SCN10A: variants seen among roughly 807,000 people sequenced by gnomAD.
SCN10A encodes sodium voltage-gated channel alpha subunit 10, also known as sodium channel protein type 10 subunit alpha.
SCN10A carries 162 observed loss-of-function variants against 170.7 expected under a neutral mutation model. The observed-to-expected ratio is 0.95, with a 90% CI of 0.84 to 1.08. The LOEUF (loss-of-function observed/expected upper bound fraction) is 1.08. Ranked by LOEUF, SCN10A falls within the 50% of genes least tolerant of loss-of-function variation. The pLI, the probability that SCN10A is intolerant of heterozygous loss-of-function variation, is 0.00. For missense variants in SCN10A, 2,527 were observed against 2,436.9 expected, an observed-to-expected ratio of 1.04 and a Z score of -0.78; for synonymous variants, 985 against 904.6, an observed-to-expected ratio of 1.09 and a Z score of -1.59.
chr3:38,743,497 A>C (rs1210014103), intron 13 of SCN10A, among the ~76,000 whole-genome samples: 1 of 152,148 alleles, frequency 6.6e-6, no homozygotes, highest in Non-Finnish European at 1.5e-5. Context: ...AGTTTTCTAC[A>C]CTTAACCTTC....
chr3:38,723,742 G>A (rs1262742448), intron 18 of SCN10A, among the ~76,000 whole-genome samples, 189 bp from the exon 19 acceptor site: 1 of 152,232 alleles, frequency 6.6e-6, no homozygotes, highest in East Asian at 1.9e-4. Flanking sequence ...GCCCCTGATG[G>A]AGTGCTGGCA....
intron 1 of SCN10A, among the ~76,000 whole-genome samples, chr3:38,803,637 C>T (rs1324231704): frequency 1.8e-5 from 2 of 113,610 alleles, no homozygotes; most frequent in Admixed American, 2.6e-4. Flanking sequence ...ACATCACACA[C>T]TGGGCCTGTC....
chr3:38,788,005 T>C (rs913285398), intron 4 of SCN10A, among the ~76,000 whole-genome samples: 1 of 152,076 alleles, frequency 6.6e-6, no homozygotes, highest in African/African-American at 2.4e-5. Flanking sequence ...CTCATCCTTT[T>C]TTATGACTGC....
Position 38,697,695 on chromosome 3 carries a change from A to T in SCN10A, c.5525T>A (p.Ile1842Lys). The part of the protein sequence containing the change: ...TNLSKSSYEP[I>K]ATTLRWKQED... ...TTGCTTCCATCGGAGAGTGGTTGCT[A>T]TTGGTTCATAGGATGATTTTGAAAG... is the stretch of plus-strand genomic sequence containing the variant. Residue 1842 changes from isoleucine to lysine, a missense_variant, in exon 28 of 28, where the codon ATA (isoleucine) becomes AAA (lysine). Transcript: ENST00000449082. The T allele has an allele frequency of 6.2e-6, 10 of 1,614,060 alleles. No homozygotes were observed. The highest frequency in any genetic ancestry group is 8.5e-6 in the Non-Finnish European group (10 of 1,180,018).
At position 38,725,288 on chromosome 3, in the gene SCN10A, C is replaced by A. The variant is rs773394234; in HGVS notation, c.3114G>T (p.Arg1038Ser). 3.2e-6 allele frequency: 5 copies of A among 1,582,934 alleles called. No homozygotes were observed. Among genetic ancestry groups the A allele is most frequent in the Non-Finnish European group, 4.3e-6 (5 of 1,156,642 alleles). The part of the protein sequence containing the change: ...GQQEQLQQVE[R>S]CGDHLTPRSP... ...TCCTGGGTGTCAGGTGGTCCCCACA[C>A]CTCTCGACTTGCTGCAGCTGCTCCT... The change falls in exon 18 of 28, where the codon AGG becomes AGT. Residue 1038 changes from arginine (R) to serine (S), a missense_variant. Coordinates refer to ENST00000449082, the MANE Select transcript of SCN10A (RefSeq NM_006514.4).
chr3:38,715,689 C>T (rs893994993), intron 21 of SCN10A, among the ~76,000 whole-genome samples: 8 of 152,156 alleles, frequency 5.3e-5, no homozygotes, highest in Admixed American at 5.2e-4. Flanking sequence ...TCTCAACCAC[C>T]CCACCCCAAG....
At chr3:38,814,071 T>G (rs1009794272) in intron 1 of SCN10A, among the ~76,000 whole-genome samples, 6 of 152,106 alleles carry the variant, frequency 3.9e-5, no homozygotes, top group Non-Finnish European at 4.4e-5. Context: ...AAATGAGACA[T>G]GCACCATGTA....
At chr3:38,783,146 C>T (rs1559462937) in intron 4 of SCN10A, among the ~76,000 whole-genome samples, 1 of 152,000 alleles carries the variant, frequency 6.6e-6, no homozygotes, top group Non-Finnish European at 1.5e-5. Flanking sequence ...CAATCACCTC[C>T]TTAGAGGCCC....
At chr3:38,730,390 T>A (rs1046952532) in intron 15 of SCN10A, among the ~76,000 whole-genome samples, 1 of 152,210 alleles carries the variant, frequency 6.6e-6, no homozygotes, top group Admixed American at 6.5e-5. Context: ...CAGAATTAAA[T>A]GCAAATACCT....
At chr3:38,724,715 C>T (rs1215883718) in intron 18 of SCN10A, among the ~76,000 whole-genome samples, 1 of 152,192 alleles carries the variant, frequency 6.6e-6, no homozygotes, top group Non-Finnish European at 1.5e-5. Flanking sequence ...TTTCTTTGTG[C>T]GTTGTCTTTC....
intron 27 of SCN10A, 71 bp downstream of exon 27, chr3:38,701,768 G>C (rs775527212): frequency 7.0e-7 from 1 of 1,428,550 alleles, no homozygotes; most frequent in Non-Finnish European, 9.4e-7. Context: ...TTATTTCCTT[G>C]GTTTTAGAAG....
At chr3:38,810,921 C>T (rs936366487) in intron 1 of SCN10A, among the ~76,000 whole-genome samples, 1 of 152,238 alleles carries the variant, frequency 6.6e-6, no homozygotes, top group Non-Finnish European at 1.5e-5. Flanking sequence ...TGAGTCCTCT[C>T]AATTTTTTTC....
chr3:38,799,799 G>A (rs533440112), intron 1 of SCN10A, among the ~76,000 whole-genome samples: 5 of 152,220 alleles, frequency 3.3e-5, no homozygotes, highest in Admixed American at 6.5e-5. Context: ...CATGTTGGCT[G>A]TGTTACTTTA....
chr3:38,728,742 G>A lies in SCN10A; in HGVS notation c.2440C>T (p.Arg814Cys), dbSNP rs763911156. The A allele has an allele frequency of 8.7e-6, 14 of 1,614,000 alleles. No individual in the cohort carries two copies. Among genetic ancestry groups the A allele is most frequent in the African/African-American group, 5.3e-5 (4 of 74,888 alleles). Residue 814 changes from arginine (R) to cysteine (C), a missense_variant, in exon 16 of 28, where the codon CGT (arginine) becomes TGT (cysteine). Coordinates refer to ENST00000449082, the MANE Select transcript of SCN10A (RefSeq NM_006514.4). ...VGKQLLGENY[R>C]NNRKNISAPH... Reference sequence around the variant, plus strand: ...GCGGAGATATTTTTTCGGTTGTTACGGTAGTTTTCCCCTAGGAGCTGCTTG... The same window carrying A: ...GCGGAGATATTTTTTCGGTTGTTACAGTAGTTTTCCCCTAGGAGCTGCTTG...
rs755026641 is a variant in SCN10A at position 38,757,113 on chromosome 3, C to T, written c.997G>A (p.Asp333Asn). ...YICLKTSDNPDFNYTSFDSFA... is the reference protein window; with the variant it reads ...YICLKTSDNPNFNYTSFDSFA... ...GAATCAAAGCTGGTGTAGTTAAAATCCGGGTTGTCAGAAGTTTTAAGGCAG... is the reference window on the plus strand; with the variant it reads ...GAATCAAAGCTGGTGTAGTTAAAATTCGGGTTGTCAGAAGTTTTAAGGCAG... The change falls in exon 9 of 28, where the codon GAT becomes AAT. Residue 333 changes from aspartate to asparagine, a missense_variant. Transcript: ENST00000449082. 2 of 1,613,420 alleles carry T rather than the reference C, an allele frequency of 1.2e-6. No homozygotes were observed. Among genetic ancestry groups the T allele is most frequent in the Admixed American group, 3.3e-5 (2 of 59,940 alleles).
At chr3:38,737,230 A>C (rs1274553259) in intron 15 of SCN10A, among the ~76,000 whole-genome samples, 12 of 150,254 alleles carry the variant, frequency 8.0e-5, no homozygotes, top group African/African-American at 2.5e-4. Context: ...TCGGCCTCCC[A>C]AAGTGCTGGG....
At chr3:38,787,861 C>T (rs538184714) in intron 4 of SCN10A, among the ~76,000 whole-genome samples, 68 of 151,466 alleles carry the variant, frequency 4.5e-4, no homozygotes, top group Admixed American at 7.2e-4. Context: ...GTTCCCCTCC[C>T]TGTGTCCATG....
intron 21 of SCN10A, among the ~76,000 whole-genome samples, chr3:38,717,786 C>T (rs13325628): frequency 0.012 from 1,752 of 152,332 alleles, 38 homozygotes; most frequent in African/African-American, 0.039. Context: ...GCACATGCCT[C>T]ACCCTGCTTG....
intron 11 of SCN10A, among the ~76,000 whole-genome samples, chr3:38,755,225 T>C (rs1042095359): frequency 1.9e-4 from 28 of 151,190 alleles, no homozygotes; most frequent in Admixed American, 5.3e-4. Flanking sequence ...AATAATTATA[T>C]AAAATTGTGA....
Sources: allele counts gnomAD v4.1 joint callset (sites outside exome capture counted in the v4.1 genomes callset), GRCh38; gene constraint gnomAD v4.1.1; transcripts MANE v1.5; gene names NCBI Gene and HGNC (gene_info 2026-07-23, HGNC 2026-07-21).